INPP5A: variants seen among roughly 807,000 people sequenced by gnomAD.
INPP5A encodes 43 kDa inositol polyphosphate 5-phophatase.
A neutral mutation model predicts 65.2 loss-of-function variants in INPP5A; 14 were observed. The observed-to-expected ratio is 0.21, with a 90% CI of 0.14 to 0.34. The LOEUF is 0.34. Ranked by LOEUF, INPP5A falls within the 10% of genes least tolerant of loss-of-function variation. INPP5A has a pLI of 1.00. For synonymous variants in INPP5A, 207 were observed against 208.3 expected (o/e 0.99, Z 0.05); for missense variants, 431 against 545.6 (o/e 0.79, Z 2.09).
chr10:132,541,166 C>G (rs543599288), intron 1 of INPP5A, among the ~76,000 whole-genome samples: 1 of 152,262 alleles, frequency 6.6e-6, no homozygotes, highest in East Asian at 1.9e-4. Context: ...TTTGTAGAGA[C>G]CAGGTTTCGC....
intron 2 of INPP5A, among the ~76,000 whole-genome samples, chr10:132,625,245 C>T (rs920491122): frequency 2.0e-5 from 3 of 151,078 alleles, no homozygotes; most frequent in Admixed American, 6.6e-5. Context: ...TTCCCCCTCA[C>T]GTGGCTCAAC....
intron 11 of INPP5A, among the ~76,000 whole-genome samples, chr10:132,763,704 C>T (rs1349806940): frequency 6.7e-6 from 1 of 150,158 alleles, no homozygotes; most frequent in African/African-American, 2.5e-5. Flanking sequence ...CACACACATG[C>T]CTGTGTATGC....
intron 8 of INPP5A, 43 bp from the exon 9 acceptor site, chr10:132,726,778 C>T (rs201562519): frequency 1.3e-4 from 186 of 1,454,460 alleles, no homozygotes; most frequent in Middle Eastern, 1.8e-4. Flanking sequence ...GAGGGCTGGC[C>T]GGCTTCAGCG....
intron 2 of INPP5A, among the ~76,000 whole-genome samples, chr10:132,640,180 G>A (rs576042472): frequency 9.8e-4 from 149 of 152,274 alleles, no homozygotes; most frequent in African/African-American, 3.3e-3. Context: ...CTTTTCTTAC[G>A]GTTCTCAGCA....
intron 8 of INPP5A, among the ~76,000 whole-genome samples, chr10:132,719,216 G>A (rs1218475819): frequency 4.1e-5 from 6 of 147,598 alleles, no homozygotes; most frequent in African/African-American, 1.0e-4. Context: ...CACCTTAGAC[G>A]ACTGTCTTGG....
chr10:132,768,675 C>T (rs955992788), intron 12 of INPP5A, among the ~76,000 whole-genome samples: 2 of 152,238 alleles, frequency 1.3e-5, no homozygotes, highest in African/African-American at 4.8e-5. Context: ...CACGGCCTGG[C>T]CCCTGAGGCC....
chr10:132,627,850 G>A lies in INPP5A; in HGVS notation c.118-18018G>A, dbSNP rs922467616. Among the ~76,000 whole-genome samples the A allele has an allele frequency of 1.3e-5, 2 of 152,176 alleles. No homozygotes were observed. The highest frequency in any genetic ancestry group is 2.9e-5 in the Non-Finnish European group (2 of 68,028). ...TTGGTTGGAGTATTGGAAACCGGGA[G>A]GGGTGAGGCCGTGGAGAGAGCCGTG... On this transcript the variant is annotated intron_variant, in intron 2 of 15. Transcript: ENST00000368594. This position sits in a 1 kb window ranked among gnomAD's most constrained non-coding sequence, Gnocchi z 6.6.
At chr10:132,590,667 C>T (rs1240904340) in intron 1 of INPP5A, among the ~76,000 whole-genome samples, 1 of 152,214 alleles carries the variant, frequency 6.6e-6, no homozygotes, top group Admixed American at 6.5e-5. Flanking sequence ...GCCTCGGTAG[C>T]GTTGAGTCCC....
intron 4 of INPP5A, among the ~76,000 whole-genome samples, chr10:132,671,005 G>A (rs1389165051): frequency 6.6e-6 from 1 of 152,036 alleles, no homozygotes; most frequent in African/African-American, 2.4e-5. Context: ...GCCATTAGTG[G>A]GAGATAGCTT....
intron 2 of INPP5A, among the ~76,000 whole-genome samples, chr10:132,618,376 A>G (rs1175386438): frequency 6.6e-6 from 1 of 152,242 alleles, no homozygotes; most frequent in Admixed American, 6.5e-5. Flanking sequence ...GTGGTCAAGA[A>G]TCATTTCCAT....
chr10:132,726,468 C>T (rs1220865312), intron 8 of INPP5A, among the ~76,000 whole-genome samples: 3 of 152,160 alleles, frequency 2.0e-5, no homozygotes, highest in Admixed American at 6.5e-5. Context: ...CATCCTTGTC[C>T]GGCCCTTTCC....
Position 132,616,766 on chromosome 10 carries a change from C to T in INPP5A, c.117+8810C>T, listed in dbSNP as rs1028549313. Among the ~76,000 whole-genome samples, 1 of 150,108 alleles carries T rather than the reference C, an allele frequency of 6.7e-6. No individual in the cohort carries two copies. Among genetic ancestry groups the T allele is most frequent in the Non-Finnish European group, 1.5e-5 (1 of 67,596 alleles). The stretch of plus-strand genomic sequence containing the variant: ...TGTCATGTGGTGATGGGGGACGTGG[C>T]GTGGGGGATATGGGGTCCTGGATCT... On this transcript the variant is annotated intron_variant, in intron 2 of 15. Coordinates refer to ENST00000368594, the MANE Select transcript of INPP5A (RefSeq NM_005539.5). The surrounding 1 kb of genome is among the most constrained non-coding windows in gnomAD (Gnocchi z 4.9).
chr10:132,672,125 G>A (rs1385416030), intron 4 of INPP5A, among the ~76,000 whole-genome samples: 4 of 152,204 alleles, frequency 2.6e-5, no homozygotes, highest in Non-Finnish European at 1.5e-5. Context: ...ATTGAGCATT[G>A]TGACATTCTT....
chr10:132,726,066 G>T lies in INPP5A; in HGVS notation c.648-755G>T, dbSNP rs554183398. Among the ~76,000 whole-genome samples, 50 of 152,088 alleles carry T rather than the reference G, an allele frequency of 3.3e-4. 1 individual carries two copies. Among genetic ancestry groups the T allele is most frequent in the Non-Finnish European group, 6.9e-4 (47 of 68,002 alleles). On this transcript the variant is annotated intron_variant, in intron 8 of 15. Coordinates refer to ENST00000368594, the MANE Select transcript of INPP5A (RefSeq NM_005539.5). ...AGATTTGGGGTTTGAGTGAGTTGGCGGTTTCTGAGATCTTTTTACAGGCTT... is the reference window on the plus strand; with the variant it reads ...AGATTTGGGGTTTGAGTGAGTTGGCTGTTTCTGAGATCTTTTTACAGGCTT...
intron 11 of INPP5A, among the ~76,000 whole-genome samples, chr10:132,761,821 G>A (rs1282928103): frequency 1.3e-5 from 2 of 152,130 alleles, no homozygotes; most frequent in African/African-American, 4.8e-5. Context: ...GATAGCAAGA[G>A]TCCAGAAATA....
chr10:132,655,540 C>T (rs967082312), intron 4 of INPP5A, among the ~76,000 whole-genome samples: 3 of 152,364 alleles, frequency 2.0e-5, no homozygotes, highest in African/African-American at 4.8e-5. Context: ...GAGCCGACGT[C>T]GGCCAGAGGA....
chr10:132,611,039 CAG>C (rs1409147648), intron 2 of INPP5A, among the ~76,000 whole-genome samples: 1 of 143,800 alleles, frequency 7.0e-6, no homozygotes, highest in Non-Finnish European at 1.5e-5. Flanking sequence ...GAGGCCCTGT[CAG>C]AGGAGGATGA....
At chr10:132,572,962 G>A (rs1026843637) in intron 1 of INPP5A, among the ~76,000 whole-genome samples, 51 of 151,978 alleles carry the variant, frequency 3.4e-4, no homozygotes, top group African/African-American at 1.2e-3. Flanking sequence ...GAGATGTTGG[G>A]GTGTACGTGC....
In INPP5A at chr10:132,782,217, C is replaced by A. The variant is rs527490444; in HGVS notation, c.*188C>A. 4.2e-6 allele frequency: 3 copies of A among 707,522 alleles called. No individual in the cohort carries two copies. The highest frequency in any genetic ancestry group is 7.0e-6 in the Non-Finnish European group (3 of 428,404). 43.8% of individuals were successfully genotyped at this position (707,522 alleles called of 1,614,324 possible). A position where few individuals can be genotyped will look rare whatever the true frequency, so the allele number is the denominator to read the frequency against. ...AGCAGCCTCACATACCTCACTGTCTCGTCTGTCTATGTGACATTAAGTAGA... is the reference window on the plus strand; with the variant it reads ...AGCAGCCTCACATACCTCACTGTCTAGTCTGTCTATGTGACATTAAGTAGA... On this transcript the variant is annotated 3_prime_UTR_variant, in exon 16 of 16. Transcript: ENST00000368594. This position sits in a 1 kb window ranked among gnomAD's most constrained non-coding sequence, Gnocchi z 4.4.
Sources: allele counts gnomAD v4.1 joint callset (sites outside exome capture counted in the v4.1 genomes callset), GRCh38; gene constraint gnomAD v4.1.1; non-coding constraint Gnocchi (gnomAD v3.1); transcripts MANE v1.5; gene names NCBI Gene and HGNC (gene_info 2026-07-23, HGNC 2026-07-21).